Variants in DPF3 observed in about 807,000 individuals in gnomAD.
The protein encoded by DPF3 is zinc finger protein DPF3.
A neutral mutation model predicts 56.8 loss-of-function variants in DPF3; 18 were observed. The observed-to-expected ratio is 0.32, with a 90% CI of 0.22 to 0.47. The LOEUF (loss-of-function observed/expected upper bound fraction) is 0.47, where lower values mean the gene tolerates loss of function less well. Among genes scored for constraint, DPF3 ranks in the 20% least tolerant of loss-of-function variants. The probability of loss-of-function intolerance (pLI) is 1.00; values close to 1 mark genes in which losing one functional copy is unlikely to be tolerated. For synonymous variants in DPF3, 188 were observed against 180.2 expected (o/e 1.04, Z -0.35); for missense variants, 403 against 488.8 (o/e 0.82, Z 1.65).
At chr14:72,657,289 A>G (rs1037083599) in intron 8 of DPF3, among the ~76,000 whole-genome samples, 1 of 152,140 alleles carries the variant, frequency 6.6e-6, no homozygotes, top group African/African-American at 2.4e-5. Flanking sequence ...AAACTCTACC[A>G]TCTATGTTCA....
chr14:72,865,456 A>T (rs1885623102), intron 1 of DPF3, among the ~76,000 whole-genome samples: 2 of 152,240 alleles, frequency 1.3e-5, no homozygotes, highest in African/African-American at 4.8e-5. Context: ...TGAGGTAGAG[A>T]ATGGGGATGA....
intron 1 of DPF3, among the ~76,000 whole-genome samples, chr14:72,846,718 A>G (rs8010957): frequency 0.97 from 148,082 of 152,072 alleles, 72,144 homozygotes; most frequent in East Asian, 1. Context: ...CACTGCACCC[A>G]GCCAGTAGCA....
chr14:72,720,956 T>G (rs1030765809), intron 5 of DPF3, among the ~76,000 whole-genome samples: 3 of 152,146 alleles, frequency 2.0e-5, no homozygotes, highest in African/African-American at 7.2e-5. Context: ...AATATGATAG[T>G]TTTATAATTT....
At chr14:72,751,383 G>A (rs1028655947) in intron 3 of DPF3, among the ~76,000 whole-genome samples, 4 of 152,086 alleles carry the variant, frequency 2.6e-5, no homozygotes, top group Non-Finnish European at 4.4e-5. Flanking sequence ...ACACTTCATC[G>A]TGCATTCTGA....
intron 1 of DPF3, among the ~76,000 whole-genome samples, chr14:72,877,430 G>A (rs1268590872): frequency 2.0e-5 from 3 of 152,066 alleles, no homozygotes; most frequent in East Asian, 1.9e-4. Context: ...GAGCAGGAGC[G>A]CCTTTTGTTC....
chr14:72,695,407 C>T (rs7159986), intron 6 of DPF3, among the ~76,000 whole-genome samples: 27,127 of 152,090 alleles, frequency 0.18, 4,342 homozygotes, highest in African/African-American at 0.43. Context: ...AATCTGGCAA[C>T]TGGTTGGACT....
intron 1 of DPF3, among the ~76,000 whole-genome samples, chr14:72,774,264 A>T (rs1365678731): frequency 1.0e-4 from 8 of 78,674 alleles, no homozygotes; most frequent in Non-Finnish European, 5.8e-5. Context: ...ACTCTGTCTA[A>T]AAAAAAAAAA....
At chr14:72,671,213 A>G in intron 8 of DPF3, 1 of 1,613,912 alleles carries the variant, frequency 6.2e-7, no homozygotes, top group Middle Eastern at 1.6e-4. Context: ...GGCTCTTCCA[A>G]ATCGTCCTCA....
At chr14:72,867,658 T>C (rs1282192869) in intron 1 of DPF3, among the ~76,000 whole-genome samples, 1 of 152,174 alleles carries the variant, frequency 6.6e-6, no homozygotes, top group Non-Finnish European at 1.5e-5. Context: ...ACTATCAAAG[T>C]TGGGGGATGG....
intron 1 of DPF3, chr14:72,879,743 G>T (rs1886255605): frequency 1.3e-6 from 2 of 1,486,994 alleles, no homozygotes; most frequent in Non-Finnish European, 1.8e-6. Flanking sequence ...TCTGGGCAGG[G>T]ACACAGAGCA....
At chr14:72,648,176 T>G (rs773355639) in intron 8 of DPF3, among the ~76,000 whole-genome samples, 4 of 152,216 alleles carry the variant, frequency 2.6e-5, no homozygotes, top group Non-Finnish European at 5.9e-5. Context: ...CGAATTATTC[T>G]CCCATCTCTC....
intron 2 of DPF3, among the ~76,000 whole-genome samples, chr14:72,757,543 A>G (rs1309676484): frequency 6.6e-6 from 1 of 152,180 alleles, no homozygotes; most frequent in Admixed American, 6.5e-5. Context: ...TAAGAGTTGT[A>G]GGAAAGAGTT....
At chr14:72,789,898 C>T (rs917413089) in intron 1 of DPF3, among the ~76,000 whole-genome samples, 8 of 152,344 alleles carry the variant, frequency 5.3e-5, no homozygotes, top group Admixed American at 4.6e-4. Context: ...CTCCCCCAAA[C>T]TCCTTAGCTC....
chr14:72,697,053 G>C (rs1281833641), intron 6 of DPF3, among the ~76,000 whole-genome samples: 2 of 101,662 alleles, frequency 2.0e-5, no homozygotes, highest in African/African-American at 8.2e-5. Flanking sequence ...TGAGACCTTT[G>C]TTCAGTTATT....
chr14:72,868,228 T>C lies in DPF3; in HGVS notation c.32+25829A>G, dbSNP rs75606429. On this transcript the variant is annotated intron_variant, in intron 1 of 10. Transcript: ENST00000556509. ...GGTATGAAGGAAGAAGGGCAAAGGG[T>C]ACCTGGGAGTCAGACATCTCTCTCC... Among the ~76,000 whole-genome samples the C allele has an allele frequency of 3.4e-3, 519 of 152,222 alleles. 3 individuals carry two copies. Among genetic ancestry groups the C allele is most frequent in the African/African-American group, 0.012 (486 of 41,514 alleles).
chr14:72,754,839 C>CTCAGGTCTCTTTATGTTTAA (rs1890723885), intron 2 of DPF3, among the ~76,000 whole-genome samples: 1 of 152,220 alleles, frequency 6.6e-6, no homozygotes, highest in East Asian at 1.9e-4. Flanking sequence ...AACCAAAATA[C>CTCAGGTCTCTTTATGTTTAA]TCAGGTCTCT....
In DPF3 at chr14:72,683,019, G is replaced by A. The variant is rs547588943; in HGVS notation, c.743-8651C>T. On this transcript the variant is annotated intron_variant, in intron 7 of 10. Transcript: ENST00000556509. ...TTTCTGTAAGGTAGTGGTTTACCTGGGAACTTGTCAAAAATGCAAATTCCC... is the reference window on the plus strand; with the variant it reads ...TTTCTGTAAGGTAGTGGTTTACCTGAGAACTTGTCAAAAATGCAAATTCCC... Among the ~76,000 whole-genome samples, 35 of 152,268 alleles carry A rather than the reference G, an allele frequency of 2.3e-4. No homozygotes were observed. The South Asian group carries it at 6.6e-3, about 29-fold the overall frequency.
chr14:72,856,749 C>T (rs907367134), intron 1 of DPF3, among the ~76,000 whole-genome samples: 2 of 152,180 alleles, frequency 1.3e-5, no homozygotes, highest in African/African-American at 4.8e-5. Context: ...ATGAATAATG[C>T]GTGAAGCACA....
At chr14:72,797,203 T>C (rs936209068) in intron 1 of DPF3, among the ~76,000 whole-genome samples, 6 of 152,142 alleles carry the variant, frequency 3.9e-5, no homozygotes, top group African/African-American at 9.7e-5. Flanking sequence ...TGCTGGAGAA[T>C]GAGCAGACAC....
Sources: allele counts gnomAD v4.1 joint callset (sites outside exome capture counted in the v4.1 genomes callset), GRCh38; gene constraint gnomAD v4.1.1; transcripts MANE v1.5; gene names NCBI Gene and HGNC (gene_info 2026-07-23, HGNC 2026-07-21).